HSD17B12: variants seen among roughly 807,000 people sequenced by gnomAD.
The protein encoded by HSD17B12 is hydroxysteroid 17-beta dehydrogenase 12, also known as very-long-chain 3-oxoacyl-CoA reductase.
A neutral mutation model predicts 39.3 loss-of-function variants in HSD17B12; 32 were observed. The observed-to-expected ratio is 0.81, with a 90% confidence interval of 0.61 to 1.09. The LOEUF (loss-of-function observed/expected upper bound fraction) is 1.09. Among genes scored for constraint, HSD17B12 ranks in the 50% least tolerant of loss-of-function variants. HSD17B12 has a pLI of 0.00. For synonymous variants in HSD17B12, 150 were observed against 146.7 expected, an observed-to-expected ratio of 1.02 and a Z score of -0.16; for missense variants, 342 against 382.9, an observed-to-expected ratio of 0.89 and a Z score of 0.89.
At chr11:43,787,157 ATCGCAAG>A (rs1172098292) in intron 3 of HSD17B12, among the ~76,000 whole-genome samples, 1 of 151,876 alleles carries the variant, frequency 6.6e-6, no homozygotes, top group Non-Finnish European at 1.5e-5. Context: ...GGCCAGGCTG[ATCGCAAG>A]CTACTGACCT....
chr11:43,744,040 C>G (rs1264824135), intron 1 of HSD17B12, among the ~76,000 whole-genome samples: 10 of 151,950 alleles, frequency 6.6e-5, no homozygotes, highest in Non-Finnish European at 4.4e-5. Context: ...AAATTGACAA[C>G]CTACATTTAA....
At chr11:43,691,078 T>C (rs1390000079) in intron 1 of HSD17B12, among the ~76,000 whole-genome samples, 1 of 152,240 alleles carries the variant, frequency 6.6e-6, no homozygotes, top group Non-Finnish European at 1.5e-5. Flanking sequence ...TTAGCTTTTC[T>C]ACTCTCCCCA....
chr11:43,821,320 C>A (rs1951180701), intron 6 of HSD17B12, among the ~76,000 whole-genome samples: 1 of 152,132 alleles, frequency 6.6e-6, no homozygotes, highest in South Asian at 2.1e-4. Flanking sequence ...TTTAGTCTTG[C>A]TCCTGTTCCC....
chr11:43,817,188 A>ATTAT (rs966082497), intron 6 of HSD17B12, among the ~76,000 whole-genome samples: 31 of 151,312 alleles, frequency 2.0e-4, no homozygotes, highest in Non-Finnish European at 3.7e-4. Flanking sequence ...TTTTCATGGG[A>ATTAT]TTATTTGCTT....
chr11:43,825,848 C>T (rs1372647651), intron 6 of HSD17B12, among the ~76,000 whole-genome samples: 4 of 152,274 alleles, frequency 2.6e-5, no homozygotes, highest in Non-Finnish European at 4.4e-5. Context: ...TAGATTGGTA[C>T]TGATGTTGCT....
chr11:43,813,685 A>G (rs941668900), intron 4 of HSD17B12, among the ~76,000 whole-genome samples: 1 of 152,184 alleles, frequency 6.6e-6, no homozygotes, highest in Non-Finnish European at 1.5e-5. Context: ...GTTTTGGCCT[A>G]ATTGTTTACA....
intron 4 of HSD17B12, 73 bp downstream of exon 4, chr11:43,798,500 G>A: frequency 1.1e-6 from 1 of 927,614 alleles, no homozygotes; most frequent in Non-Finnish European, 1.7e-6. Context: ...GATGTTAAGT[G>A]GTAAAATGAC....
At chr11:43,745,286 G>A (rs1275764638) in intron 1 of HSD17B12, among the ~76,000 whole-genome samples, 1 of 152,170 alleles carries the variant, frequency 6.6e-6, no homozygotes, top group East Asian at 1.9e-4. Flanking sequence ...ACATGCAACA[G>A]TTATCTGTAT....
chr11:43,805,795 A>G (rs945354553), intron 4 of HSD17B12, among the ~76,000 whole-genome samples: 2 of 152,122 alleles, frequency 1.3e-5, no homozygotes, highest in African/African-American at 4.8e-5. Flanking sequence ...CAGCCCCCCA[A>G]AAAACTGCCC....
chr11:43,762,642 G>A (rs1187993255), intron 3 of HSD17B12, among the ~76,000 whole-genome samples: 2 of 152,150 alleles, frequency 1.3e-5, no homozygotes, highest in African/African-American at 2.4e-5. Context: ...ATATAATATG[G>A]AACTAATTAA....
chr11:43,652,979 G>A, the HSD17B12 span, among the ~76,000 whole-genome samples: 3 of 152,084 alleles, frequency 2.0e-5, no homozygotes, highest in Admixed American at 6.5e-5. Flanking sequence ...CTCTCTGGCA[G>A]CATTTTTTTT....
chr11:43,655,521 A>G, the HSD17B12 span, among the ~76,000 whole-genome samples: 5 of 152,162 alleles, frequency 3.3e-5, no homozygotes, highest in Admixed American at 3.3e-4. Flanking sequence ...TTGCCCATTC[A>G]GTATGATATT....
At chr11:43,848,615 T>C (rs1180280990) in intron 9 of HSD17B12, 1 of 152,246 alleles carries the variant, frequency 6.6e-6, no homozygotes, top group Admixed American at 6.5e-5. Flanking sequence ...TATTTAATTC[T>C]CATGATAGTA....
chr11:43,590,505 G>GTTTTTTTTTTTTTTTTTTTT, the HSD17B12 span, among the ~76,000 whole-genome samples: 3 of 47,852 alleles, frequency 6.3e-5, no homozygotes, highest in African/African-American at 1.4e-4. Flanking sequence ...TGGAGTGAGT[G>GTTTTTTTTTTTTTTTTTTTT]ATTTTTTTTT....
intron 5 of HSD17B12, among the ~76,000 whole-genome samples, chr11:43,815,738 C>T (rs1951116413): frequency 6.6e-6 from 1 of 152,120 alleles, no homozygotes; most frequent in Non-Finnish European, 1.5e-5. Context: ...TTTATAACCT[C>T]ACTTATACAG....
At chr11:43,629,491 T>C in the HSD17B12 span, among the ~76,000 whole-genome samples, 16 of 152,206 alleles carry the variant, frequency 1.1e-4, no homozygotes, top group African/African-American at 3.6e-4. Flanking sequence ...TGTGCGACTC[T>C]AACCAACACA....
At chr11:43,623,382 G>T in the HSD17B12 span, among the ~76,000 whole-genome samples, 1 of 143,918 alleles carries the variant, frequency 6.9e-6, no homozygotes, top group Middle Eastern at 3.4e-3. Flanking sequence ...AAGCATTAAA[G>T]GTTTGTTTTT....
intron 1 of HSD17B12, among the ~76,000 whole-genome samples, chr11:43,689,198 A>G (rs1407023525): frequency 2.6e-5 from 4 of 152,366 alleles, no homozygotes; most frequent in South Asian, 4.1e-4. Context: ...TAATTTTTCA[A>G]TTACATTTGT....
rs925620877 is a variant in HSD17B12 at position 43,824,603 on chromosome 11, C to T, written c.502-6373C>T. On this transcript the variant is annotated intron_variant, in intron 6 of 10. Transcript: ENST00000278353. ...CTCTTTTATAAGGGCACCAATACCA[C>T]GTGTGAGGGTGGAACCCTCATGATG... Among the ~76,000 whole-genome samples, 6 of 152,146 alleles carry T rather than the reference C, an allele frequency of 3.9e-5. 1 individual carries two copies. In the South Asian group the frequency reaches 6.2e-4, roughly 16 times the overall value.
Sources: gnomAD v4.1 joint callset for allele counts (sites outside exome capture counted in the v4.1 genomes callset) on GRCh38, gnomAD v4.1.1 for gene constraint, MANE v1.5 for transcripts, NCBI Gene and HGNC (gene_info 2026-07-23, HGNC 2026-07-21) for gene names.